DMD: variants seen among roughly 807,000 people sequenced by gnomAD.
The protein encoded by DMD is dystrophin, also known as mutant dystrophin.
DMD carries 63 observed loss-of-function variants against 330.1 expected under a neutral mutation model. The ratio of observed to expected loss-of-function variants is 0.19; its 90% CI spans 0.16 to 0.24. DMD has a LOEUF of 0.24. Ranked by LOEUF, DMD falls within the 10% of genes least tolerant of loss-of-function variation. DMD has a pLI of 1.00. For missense variants in DMD, 3,344 were observed against 2,684.1 expected, an observed-to-expected ratio of 1.25 and a Z score of -5.43; for synonymous variants, 1,223 against 959.8, an observed-to-expected ratio of 1.27 and a Z score of -5.07.
intron 1 of DMD, among the ~76,000 whole-genome samples, chrX:33,132,911 G>A (rs1275920298): frequency 2.7e-5 from 3 of 111,588 alleles, no homozygotes; most frequent in African/African-American, 9.8e-5. Flanking sequence ...CAGATACAGA[G>A]TTAGTGCTAA....
intron 44 of DMD, among the ~76,000 whole-genome samples, chrX:32,106,748 T>C (rs762809663): frequency 1.8e-5 from 2 of 112,078 alleles, no homozygotes; most frequent in South Asian, 7.4e-4. Context: ...TTTTTCACCA[T>C]ACTTAATAAA....
intron 55 of DMD, among the ~76,000 whole-genome samples, chrX:31,529,455 G>A (rs771564905): frequency 1.8e-5 from 2 of 111,581 alleles, no homozygotes; most frequent in Non-Finnish European, 3.8e-5. Flanking sequence ...GGGATAAACT[G>A]GGACAGCCGG....
chrX:31,953,630 T>C (rs1276894091), intron 45 of DMD, among the ~76,000 whole-genome samples: 1 of 111,667 alleles, frequency 9.0e-6, no homozygotes, highest in Non-Finnish European at 1.9e-5. Context: ...CTACTCACTT[T>C]ATCATCCCCA....
intron 41 of DMD, among the ~76,000 whole-genome samples, chrX:32,331,313 G>A (rs1028808357): frequency 9.0e-6 from 1 of 111,338 alleles, no homozygotes; most frequent in African/African-American, 3.3e-5. Context: ...AATTTTTCAA[G>A]GTTGTAGCAT....
At chrX:32,112,499 G>A (rs2096593681) in intron 44 of DMD, among the ~76,000 whole-genome samples, 1 of 111,654 alleles carries the variant, frequency 9.0e-6, no homozygotes, top group African/African-American at 3.3e-5. Context: ...GGTGCATAGG[G>A]TGACCACAAC....
intron 50 of DMD, among the ~76,000 whole-genome samples, chrX:31,815,054 A>G (rs1003974544): frequency 1.8e-5 from 2 of 112,440 alleles, no homozygotes; most frequent in Non-Finnish European, 3.8e-5. Context: ...CTTGCTGCAC[A>G]CAGCAGAAGG....
intron 67 of DMD, among the ~76,000 whole-genome samples, chrX:31,183,913 A>AT (rs56788430): frequency 0.057 from 5,727 of 99,934 alleles, 175 homozygotes; most frequent in East Asian, 0.19. Context: ...ATTAAATACA[A>AT]TTTTTTTTTT....
chrX:32,809,718 A>G, intron 6 of DMD, 107 bp from the exon 7 acceptor site: 1 of 626,232 alleles, frequency 1.6e-6, no homozygotes, highest in African/African-American at 2.2e-5. Context: ...ACCAATGCCC[A>G]TAGTCCTTAA....
At position 32,085,874 on chromosome X, in the gene DMD, C is replaced by A. The variant is rs185931615; in HGVS notation, c.6439-117360G>T. On this transcript the variant is annotated intron_variant, in intron 44 of 78. Coordinates refer to ENST00000357033, the MANE Select transcript of DMD (RefSeq NM_004006.3). ...TAGCAATCTCAGTTCTGGGTATACA[C>A]CCATGTGAAATGTGTAAATTCTTAT... Among the ~76,000 whole-genome samples, 5 of 110,692 alleles carry A rather than the reference C, an allele frequency of 4.5e-5. No individual in the cohort carries two copies. In the East Asian group the frequency reaches 1.1e-3, roughly 25 times the overall value.
Position 32,565,850 on chromosome X carries a change from T to A in DMD, c.1844A>T (p.Gln615Leu). 8.3e-7 allele frequency: 1 copy of A among 1,211,634 alleles called. No individual in the cohort carries two copies. The change falls in exon 16 of 79, where the codon CAA becomes CTA. Residue 615 changes from glutamine (Q) to leucine (L), a missense_variant. Physicochemically the swap from Gln to Leu is moderately radical, Grantham distance 113. Transcript: ENST00000357033. ...VLKADLEKKKQSMGKLYSLKQ... is the reference protein window; with the variant it reads ...VLKADLEKKKLSMGKLYSLKQ... ...GAGTGAATACAGTTTGCCCATGGAT[T>A]GCTTTTTCTTTTCTAGATCCGCTTT...
intron 43 of DMD, among the ~76,000 whole-genome samples, chrX:32,285,281 C>A (rs2097435620): frequency 8.9e-6 from 1 of 112,043 alleles, no homozygotes; most frequent in Non-Finnish European, 1.9e-5. Context: ...GGGGGAAGAA[C>A]TTCCCAAGAG....
At chrX:33,221,578 A>G (rs892180656) in intron 1 of DMD, among the ~76,000 whole-genome samples, 1 of 111,483 alleles carries the variant, frequency 9.0e-6, no homozygotes. Flanking sequence ...ATTCATTAAC[A>G]AAGAGCTATT....
intron 54 of DMD, among the ~76,000 whole-genome samples, chrX:31,638,853 C>A (rs2079567079): frequency 8.9e-6 from 1 of 111,847 alleles, no homozygotes; most frequent in Admixed American, 9.5e-5. Flanking sequence ...ACATAAAATT[C>A]AACTGCATTT....
chrX:32,520,360 C>A (rs972473399), intron 17 of DMD, among the ~76,000 whole-genome samples: 11 of 112,214 alleles, frequency 9.8e-5, no homozygotes, highest in Admixed American at 2.8e-4. Context: ...ATATTTCAAT[C>A]ATCTTTTATG....
chrX:32,732,980 G>T lies in DMD; in HGVS notation c.650-33687C>A, dbSNP rs2067916059. 2.7e-5 allele frequency among the ~76,000 whole-genome samples: 3 copies of T among 111,221 alleles called. 1 individual carries two copies. In the South Asian group the frequency reaches 1.1e-3, roughly 42 times the overall value. On this transcript the variant is annotated intron_variant, in intron 7 of 78. Coordinates refer to ENST00000357033, the MANE Select transcript of DMD (RefSeq NM_004006.3). Reference sequence around the variant, plus strand: ...GACACAGACTGGCAACTTGGATAAAGAGTCAAGACCCATCAGTGAGCTGTA... The same window carrying T: ...GACACAGACTGGCAACTTGGATAAATAGTCAAGACCCATCAGTGAGCTGTA...
chrX:33,024,597 T>C (rs984033231), intron 1 of DMD, among the ~76,000 whole-genome samples: 3 of 112,336 alleles, frequency 2.7e-5, no homozygotes, highest in African/African-American at 9.7e-5. Flanking sequence ...ATTCAGTATA[T>C]GTGGCCTTTC....
At chrX:32,468,088 A>T (rs772103303) in intron 23 of DMD, among the ~76,000 whole-genome samples, 1 of 110,306 alleles carries the variant, frequency 9.1e-6, no homozygotes, top group South Asian at 3.8e-4. Context: ...ATAATCATAT[A>T]CATACTATAC....
chrX:32,292,993 A>C (rs1248629370), intron 42 of DMD, among the ~76,000 whole-genome samples: 1 of 112,682 alleles, frequency 8.9e-6, no homozygotes, highest in Non-Finnish European at 1.9e-5. Flanking sequence ...CAGAGAAAGA[A>C]GGTGTTTTTA....
intron 63 of DMD, among the ~76,000 whole-genome samples, chrX:31,247,761 G>A (rs976483656): frequency 1.8e-5 from 2 of 111,608 alleles, no homozygotes; most frequent in Non-Finnish European, 3.8e-5. Flanking sequence ...CTTCAGTGGA[G>A]GATGTAACTG....
Sources: allele counts gnomAD v4.1 joint callset (sites outside exome capture counted in the v4.1 genomes callset), GRCh38; gene constraint gnomAD v4.1.1; transcripts MANE v1.5; gene names NCBI Gene and HGNC (gene_info 2026-07-23, HGNC 2026-07-21).